Variants in SPTBN1 observed in about 807,000 individuals in gnomAD.
SPTBN1 encodes the protein spectrin beta, non-erythrocytic 1, also known as spectrin beta chain, non-erythrocytic 1.
SPTBN1 carries 32 observed loss-of-function variants against 266.4 expected under a neutral mutation model. That is an observed-to-expected ratio of 0.12 (90% CI 0.09 to 0.16). The LOEUF is 0.16. Ranked by LOEUF, SPTBN1 falls within the 10% of genes least tolerant of loss-of-function variation. The pLI is 1.00. For missense variants in SPTBN1, 2,296 were observed against 3,067.1 expected, an observed-to-expected ratio of 0.75 and a Z score of 5.94; for synonymous variants, 1,336 against 1,162.2, an observed-to-expected ratio of 1.15 and a Z score of -3.04.
intron 2 of SPTBN1, among the ~76,000 whole-genome samples, chr2:54,577,306 A>C (rs1188767392): frequency 6.6e-6 from 1 of 152,156 alleles, no homozygotes; most frequent in Admixed American, 6.5e-5. Flanking sequence ...TACTCTGGTC[A>C]CTTTCATTTT....
At position 54,645,364 on chromosome 2, in the gene SPTBN1, G is replaced by T; in HGVS notation, c.4405G>T (p.Glu1469Ter). 1 of 1,614,210 alleles carries T rather than the reference G, an allele frequency of 6.2e-7. No homozygotes were observed. Among genetic ancestry groups the T allele is most frequent in the African/African-American group, 1.3e-5 (1 of 75,058 alleles). ...KRLTVQTKFMELLEPLNERKH... is the reference protein window; with the variant it reads ...KRLTVQTKFM ...CCTCACCGTGCAGACCAAGTTCATGGAGTTGCTGGAGCCCTTGAACGAGAG... is the reference window on the plus strand; with the variant it reads ...CCTCACCGTGCAGACCAAGTTCATGTAGTTGCTGGAGCCCTTGAACGAGAG... The change falls in exon 21 of 36, where the codon GAG (glutamate) becomes TAG (stop). Residue 1469 changes from glutamate (E) to a stop codon, truncating the protein, a stop_gained. Transcript: ENST00000356805. LOFTEE classifies it high-confidence loss of function. The surrounding 1 kb of genome is among the most constrained non-coding windows in gnomAD (Gnocchi z 4.3).
chr2:54,536,104 G>A (rs1374324155), intron 2 of SPTBN1, among the ~76,000 whole-genome samples: 1 of 152,194 alleles, frequency 6.6e-6, no homozygotes, highest in East Asian at 1.9e-4. Context: ...ATTGGTGGGT[G>A]TTTGGTGTCT....
chr2:54,628,102 A>T lies in SPTBN1; in HGVS notation c.1650A>T (p.Leu550=), dbSNP rs1260430313. 6.8e-6 allele frequency: 11 copies of T among 1,611,588 alleles called. No homozygotes were observed. The highest frequency in any genetic ancestry group is 9.3e-6 in the Non-Finnish European group (11 of 1,178,872). The change falls in exon 13 of 36, where the codon CTA becomes CTT. Residue 550 remains leucine (L), a synonymous_variant. Coordinates refer to ENST00000356805, the MANE Select transcript of SPTBN1 (RefSeq NM_003128.3). The surrounding 1 kb of genome is among the most constrained non-coding windows in gnomAD (Gnocchi z 4.3). ...IMDWMDEMKV[L]VLSQDYGKHL... is the part of the protein sequence containing the mutation. ...TGGTTGCTTCTTGTGCACAGGTGCT[A>T]GTATTGTCTCAAGACTATGGCAAAC...
chr2:54,644,491 C>T lies in SPTBN1; in HGVS notation c.4174C>T (p.Leu1392=), dbSNP rs764095071. 1 of 1,614,246 alleles carries T rather than the reference C, an allele frequency of 6.2e-7. No homozygotes were observed. Among genetic ancestry groups the T allele is most frequent in the Admixed American group, 1.7e-5 (1 of 60,032 alleles). Residue 1392 remains leucine, a synonymous_variant, in exon 20 of 36, where the codon CTA becomes TTA. Transcript: ENST00000356805. ...ACTTTTCACCCAGAGCTGTGCAGAT[C>T]TAGACAAATGGCTGCACGGCCTGGA... The part of the protein sequence containing the change: ...AELFTQSCAD[L]DKWLHGLESQ...
chr2:54,632,758 A>G lies in SPTBN1; in HGVS notation c.3757A>G (p.Ile1253Val), dbSNP rs1262724860. 7.4e-6 allele frequency: 12 copies of G among 1,614,036 alleles called. No homozygotes were observed. Among genetic ancestry groups the G allele is most frequent in the Middle Eastern group, 1.6e-4 (1 of 6,082 alleles). ...SDRIQEKVDS[I>V]DDRHRKNRET... The stretch of plus-strand genomic sequence containing the variant: ...TCGCATCCAGGAGAAGGTGGACTCT[A>G]TTGATGACAGGTACAGTTTTCTGAG... The change falls in exon 17 of 36, where the codon ATT becomes GTT. Residue 1253 changes from isoleucine (I) to valine (V), a missense_variant. Transcript: ENST00000356805.
chr2:54,497,221 C>T (rs1203953705), intron 1 of SPTBN1, among the ~76,000 whole-genome samples: 1 of 152,110 alleles, frequency 6.6e-6, no homozygotes, highest in East Asian at 1.9e-4. Flanking sequence ...TGAAAATGAG[C>T]ATCATGAAAA....
intron 2 of SPTBN1, among the ~76,000 whole-genome samples, chr2:54,561,816 A>G (rs753614740): frequency 1.5e-4 from 21 of 141,678 alleles, no homozygotes; most frequent in Admixed American, 7.5e-4. Flanking sequence ...TAGTTTATAG[A>G]GATTTATGGT....
At chr2:54,589,478 T>TAG (rs1301282297) in intron 2 of SPTBN1, among the ~76,000 whole-genome samples, 1 of 152,198 alleles carries the variant, frequency 6.6e-6, no homozygotes. Context: ...TGCCAGGTCA[T>TAG]AGAGAGCTCA....
chr2:54,492,338 G>GGTTTTTTTTTTTTTTTTTTTTTTTTTTTT (rs1558775035), intron 1 of SPTBN1, among the ~76,000 whole-genome samples: 2 of 118,112 alleles, frequency 1.7e-5, no homozygotes. Flanking sequence ...TTTGTCTGCA[G>GGTTTTTTTTTTTTTTTTTTTTTTTTTTTT]TTGTTTTTTT....
At chr2:54,584,031 C>G (rs1378766960) in intron 2 of SPTBN1, among the ~76,000 whole-genome samples, 1 of 152,188 alleles carries the variant, frequency 6.6e-6, no homozygotes, top group Non-Finnish European at 1.5e-5. Context: ...CTTCTACTCC[C>G]TTGAGAGAAG....
chr2:54,543,464 CA>C (rs1672053257), intron 2 of SPTBN1, among the ~76,000 whole-genome samples: 1 of 151,638 alleles, frequency 6.6e-6, no homozygotes, highest in Admixed American at 6.6e-5. Context: ...CAGGAACATT[CA>C]AAAGGCACAT....
chr2:54,598,341 A>T (rs1035615478), intron 2 of SPTBN1, among the ~76,000 whole-genome samples: 1 of 152,220 alleles, frequency 6.6e-6, no homozygotes, highest in Non-Finnish European at 1.5e-5. Flanking sequence ...ATAGAAGAGA[A>T]CATTGAATCC....
At chr2:54,605,024 A>G (rs1345667670) in intron 3 of SPTBN1, among the ~76,000 whole-genome samples, 2 of 152,146 alleles carry the variant, frequency 1.3e-5, no homozygotes, top group Non-Finnish European at 2.9e-5. Context: ...AGCATGCCGC[A>G]CTAGGGAATC....
intron 2 of SPTBN1, among the ~76,000 whole-genome samples, chr2:54,559,570 A>AT (rs1673137499): frequency 6.6e-6 from 1 of 152,120 alleles, no homozygotes; most frequent in Non-Finnish European, 1.5e-5. Context: ...TACTGAACAT[A>AT]TTTTTAGGGA....
rs771485544 is a variant in SPTBN1, at chr2:54,599,200, G to A, written c.257G>A (p.Arg86Gln). The A allele has an allele frequency of 3.1e-6, 5 of 1,614,054 alleles. No homozygotes were observed. The highest frequency in any genetic ancestry group is 2.2e-5 in the East Asian group (1 of 44,874). ...CTGTACACTGACCTTCGAGATGGAC[G>A]GATGCTCATCAAGCTGCTGGAGGTC... ...TDLYTDLRDGRMLIKLLEVLS... is the reference protein window; with the variant it reads ...TDLYTDLRDGQMLIKLLEVLS... The change falls in exon 3 of 36, where the codon CGG (arginine) becomes CAG (glutamine). Residue 86 changes from arginine to glutamine, a missense_variant. Transcript: ENST00000356805.
chr2:54,646,028 C>A lies in SPTBN1; in HGVS notation c.4584+11C>A, dbSNP rs775424272. The A allele has an allele frequency of 2.8e-5, 46 of 1,614,112 alleles. No individual in the cohort carries two copies. Among genetic ancestry groups the A allele is most frequent in the Non-Finnish European group, 3.6e-5 (42 of 1,180,048 alleles). On this transcript the variant is annotated intron_variant, in intron 22 of 35. Transcript: ENST00000356805. The surrounding 1 kb of genome is among the most constrained non-coding windows in gnomAD (Gnocchi z 4.4). ...ATAAAGAAAAATCAGGTAAGCCTTT[C>A]TGCTCGAGCTAGTTCTGTCTGATAA...
At chr2:54,530,508 G>C (rs1019217358) in intron 2 of SPTBN1, among the ~76,000 whole-genome samples, 2 of 151,366 alleles carry the variant, frequency 1.3e-5, no homozygotes, top group African/African-American at 4.9e-5. Flanking sequence ...ACAGGCGCCC[G>C]CCACCACCCC....
intron 34 of SPTBN1, among the ~76,000 whole-genome samples, chr2:54,666,716 G>A (rs920071446): frequency 6.6e-6 from 1 of 152,210 alleles, no homozygotes; most frequent in African/African-American, 2.4e-5. Context: ...ATTTTATCTT[G>A]TAAAAAGTGG....
Position 54,649,906 on chromosome 2 carries a change from C to T in SPTBN1, c.5494C>T (p.Leu1832Phe). ...CAAACACAAGAAACTCCCTGAGGAG[C>T]TTGGGAGAGATCAGAACACAGTGGA... The part of the protein sequence containing the change: ...QDKHKKLPEE[L>F]GRDQNTVETL... The change falls in exon 26 of 36, where the codon CTT becomes TTT. Residue 1832 changes from leucine to phenylalanine, a missense_variant. Around this residue, in one of 12 missense-constraint regions of SPTBN1, gnomAD observed 644 missense variants for 745.3 expected, o/e 0.86. Coordinates refer to ENST00000356805, the MANE Select transcript of SPTBN1 (RefSeq NM_003128.3). This position sits in a 1 kb window ranked among gnomAD's most constrained non-coding sequence, Gnocchi z 6.7. The T allele has an allele frequency of 1.2e-6, 2 of 1,614,194 alleles. No homozygotes were observed. The highest frequency in any genetic ancestry group is 2.2e-5 in the South Asian group (2 of 91,082).
Sources: allele counts gnomAD v4.1 joint callset (sites outside exome capture counted in the v4.1 genomes callset), GRCh38; gene constraint gnomAD v4.1.1; regional missense constraint gnomAD v4.1.1; non-coding constraint Gnocchi (gnomAD v3.1); transcripts MANE v1.5; gene names NCBI Gene and HGNC (gene_info 2026-07-23, HGNC 2026-07-21).